ALK: variants seen among roughly 807,000 people sequenced by gnomAD.
ALK encodes ALK tyrosine kinase receptor.
A neutral mutation model predicts 163.1 loss-of-function variants in ALK; 74 were observed. The observed-to-expected ratio is 0.45, with a 90% CI of 0.38 to 0.55. The LOEUF is 0.55. Among genes scored for constraint, ALK ranks in the 20% least tolerant of loss-of-function variants. The probability of loss-of-function intolerance (pLI) is 0.00; values close to 1 mark genes in which losing one functional copy is unlikely to be tolerated. For missense variants in ALK, 2,063 were observed against 2,105.3 expected, an observed-to-expected ratio of 0.98 and a Z score of 0.39; for synonymous variants, 960 against 843.2, an observed-to-expected ratio of 1.14 and a Z score of -2.40.
At chr2:29,586,381 C>G (rs569488791) in intron 3 of ALK, among the ~76,000 whole-genome samples, 2 of 151,876 alleles carry the variant, frequency 1.3e-5, no homozygotes, top group Non-Finnish European at 2.9e-5. Context: ...GTAATCATCT[C>G]GACAGATTTG....
At chr2:29,494,214 T>A (rs912860217) in intron 4 of ALK, among the ~76,000 whole-genome samples, 2 of 152,196 alleles carry the variant, frequency 1.3e-5, no homozygotes, top group Non-Finnish European at 2.9e-5. Context: ...TAAATGGCAG[T>A]TTTGTTTCTA....
rs562650444 is a variant in ALK, at chr2:29,708,544, T to C, written c.787+9034A>G. 7.2e-5 allele frequency among the ~76,000 whole-genome samples: 11 copies of C among 152,312 alleles called. No homozygotes were observed. In the South Asian group the frequency reaches 2.1e-3, roughly 29 times the overall value. On this transcript the variant is annotated intron_variant, in intron 2 of 28. Transcript: ENST00000389048. ...GTGTTCATCTACACCAGGAAGGCCC[T>C]GACCCCACACTGAGGCAATCTGTGG... is the stretch of plus-strand genomic sequence containing the variant.
At chr2:29,266,975 G>T in intron 11 of ALK, among the ~76,000 whole-genome samples, 1 of 152,158 alleles carries the variant, frequency 6.6e-6, no homozygotes, top group East Asian at 1.9e-4. Context: ...TCCTCCCTTT[G>T]AGTATAGGTG....
intron 11 of ALK, among the ~76,000 whole-genome samples, chr2:29,258,168 G>C (rs917015622): frequency 1.1e-4 from 17 of 152,234 alleles, no homozygotes; most frequent in East Asian, 3.9e-4. Context: ...TGGGCTATTT[G>C]ACTGCAGCAT....
At chr2:29,300,142 T>G (rs976565977) in intron 8 of ALK, among the ~76,000 whole-genome samples, 1 of 152,076 alleles carries the variant, frequency 6.6e-6, no homozygotes. Context: ...CCATGCAGGG[T>G]CACTGTAGAT....
intron 3 of ALK, among the ~76,000 whole-genome samples, chr2:29,647,790 T>TC (rs1360789146): frequency 6.6e-6 from 1 of 150,630 alleles, no homozygotes; most frequent in Non-Finnish European, 1.5e-5. Flanking sequence ...TTTTTTTTTT[T>TC]TTTTGCCACA....
intron 1 of ALK, among the ~76,000 whole-genome samples, chr2:29,838,066 A>G (rs1462998373): frequency 6.6e-6 from 1 of 152,208 alleles, no homozygotes; most frequent in Non-Finnish European, 1.5e-5. Flanking sequence ...GAGAAATACA[A>G]TATCTAAAAT....
chr2:29,353,708 GA>G lies in ALK; in HGVS notation c.1283-25228del, dbSNP rs1202815974. The stretch of plus-strand genomic sequence containing the variant: ...AATATTTTCTAGTGGAGAAGGTCAT[GA>G]TGAAGTGAGGATCTAAAAAAAAAAA... On this transcript the variant is annotated intron_variant, in intron 5 of 28. Coordinates refer to ENST00000389048, the MANE Select transcript of ALK (RefSeq NM_004304.5). Among the ~76,000 whole-genome samples, 3 of 151,648 alleles carry G rather than the reference GA, an allele frequency of 2.0e-5. No individual in the cohort carries two copies. In the East Asian group the frequency reaches 5.8e-4, roughly 29 times the overall value.
chr2:29,531,314 C>T (rs1178084920), intron 4 of ALK, among the ~76,000 whole-genome samples: 1 of 152,082 alleles, frequency 6.6e-6, no homozygotes, highest in African/African-American at 2.4e-5. Context: ...TTTCCAATGT[C>T]ACTACCGCAG....
chr2:29,700,543 T>G (rs1001577869), intron 2 of ALK, among the ~76,000 whole-genome samples: 4 of 152,052 alleles, frequency 2.6e-5, no homozygotes, highest in Non-Finnish European at 4.4e-5. Flanking sequence ...AAACTCCATC[T>G]CAAAAACACA....
chr2:29,802,599 G>T, intron 1 of ALK, among the ~76,000 whole-genome samples: 1 of 124,240 alleles, frequency 8.0e-6, no homozygotes, highest in South Asian at 3.1e-4. Flanking sequence ...GAGGGGAGGG[G>T]AGAAAACCCT....
chr2:29,601,742 G>T (rs996883309), intron 3 of ALK, among the ~76,000 whole-genome samples: 5 of 152,136 alleles, frequency 3.3e-5, no homozygotes, highest in African/African-American at 1.2e-4. Flanking sequence ...AGTGATGCCG[G>T]GTTCAAGCAA....
intron 3 of ALK, among the ~76,000 whole-genome samples, chr2:29,644,058 C>A (rs1415223185): frequency 2.0e-5 from 3 of 152,002 alleles, no homozygotes; most frequent in African/African-American, 7.3e-5. Context: ...CCATGGAATA[C>A]TATGCAGCCA....
chr2:29,827,842 A>G lies in ALK; in HGVS notation c.667+92151T>C, dbSNP rs191207899. Among the ~76,000 whole-genome samples, 6 of 152,368 alleles carry G rather than the reference A, an allele frequency of 3.9e-5. No homozygotes were observed. The East Asian group carries it at 7.7e-4, about 20-fold the overall frequency. On this transcript the variant is annotated intron_variant, in intron 1 of 28. Coordinates refer to ENST00000389048, the MANE Select transcript of ALK (RefSeq NM_004304.5). ...TTTAAAGTTCATATGGAACCAAAAAAGAGCCCGCATTTCCAAGTCAATCCT... is the reference window on the plus strand; with the variant it reads ...TTTAAAGTTCATATGGAACCAAAAAGGAGCCCGCATTTCCAAGTCAATCCT...
At chr2:29,850,677 G>A (rs1448656022) in intron 1 of ALK, among the ~76,000 whole-genome samples, 1 of 152,194 alleles carries the variant, frequency 6.6e-6, no homozygotes, top group East Asian at 1.9e-4. Flanking sequence ...GCTCGGGGGT[G>A]TTTCCTCTCC....
chr2:29,409,624 C>A (rs183267908), intron 4 of ALK, among the ~76,000 whole-genome samples: 1 of 152,304 alleles, frequency 6.6e-6, no homozygotes, highest in East Asian at 1.9e-4. Flanking sequence ...GGACCTCCAG[C>A]CTTATAATGA....
In ALK at chr2:29,422,557, G is replaced by C. The variant is rs148004600; in HGVS notation, c.1155-38698C>G. Among the ~76,000 whole-genome samples, 20 of 152,336 alleles carry C rather than the reference G, an allele frequency of 1.3e-4. No homozygotes were observed. The East Asian group carries it at 3.7e-3, about 28-fold the overall frequency. ...ACATTGGGTGCTTCCTGAGGTGCTAGTCTGACTCTCTATTTTCTGTCTTCT... is the reference window on the plus strand; with the variant it reads ...ACATTGGGTGCTTCCTGAGGTGCTACTCTGACTCTCTATTTTCTGTCTTCT... On this transcript the variant is annotated intron_variant, in intron 4 of 28. Coordinates refer to ENST00000389048, the MANE Select transcript of ALK (RefSeq NM_004304.5).
chr2:29,575,336 C>T (rs1049360832), intron 3 of ALK, among the ~76,000 whole-genome samples: 1 of 152,132 alleles, frequency 6.6e-6, no homozygotes, highest in Non-Finnish European at 1.5e-5. Context: ...TGGAAAGCTG[C>T]GAATGTTTTC....
chr2:29,623,764 G>A (rs1230026317), intron 3 of ALK, among the ~76,000 whole-genome samples: 3 of 152,032 alleles, frequency 2.0e-5, no homozygotes, highest in African/African-American at 7.2e-5. Flanking sequence ...GAAAAGAAAA[G>A]GAATTTCTTA....
Sources: gnomAD v4.1 joint callset for allele counts (sites outside exome capture counted in the v4.1 genomes callset) on GRCh38, gnomAD v4.1.1 for gene constraint, MANE v1.5 for transcripts, NCBI Gene and HGNC (gene_info 2026-07-23, HGNC 2026-07-21) for gene names.